Variants in SNRK observed in about 807,000 individuals in gnomAD.
SNRK encodes the protein SNF related kinase, also known as SNF-related serine/threonine-protein kinase.
SNRK carries 3 observed loss-of-function variants against 48.2 expected under a neutral mutation model. The observed-to-expected ratio is 0.06, with a 90% confidence interval of 0.03 to 0.16. The LOEUF (loss-of-function observed/expected upper bound fraction) is 0.16, where lower values mean the gene tolerates loss of function less well. Ranked by LOEUF, SNRK falls within the 10% of genes least tolerant of loss-of-function variation. The pLI, the probability that SNRK is intolerant of heterozygous loss-of-function variation, is 1.00. For synonymous variants in SNRK, 376 were observed against 366.1 expected, an observed-to-expected ratio of 1.03 and a Z score of -0.31; for missense variants, 627 against 976.0, an observed-to-expected ratio of 0.64 and a Z score of 4.76.
intron 3 of SNRK, among the ~76,000 whole-genome samples, chr3:43,319,349 A>C (rs1246285273): frequency 6.6e-6 from 1 of 152,194 alleles, no homozygotes; most frequent in East Asian, 1.9e-4. Flanking sequence ...AGCCTTTGTA[A>C]TACTGTATCT....
At chr3:43,342,803 C>A (rs950610147) in intron 5 of SNRK, among the ~76,000 whole-genome samples, 3 of 152,184 alleles carry the variant, frequency 2.0e-5, no homozygotes, top group African/African-American at 7.2e-5. Context: ...TGATTTTATT[C>A]AAAGCAATTG....
chr3:43,318,509 T>A (rs756631880), intron 3 of SNRK, among the ~76,000 whole-genome samples: 21 of 151,380 alleles, frequency 1.4e-4, no homozygotes, highest in Non-Finnish European at 2.6e-4. Flanking sequence ...GGTCATAACA[T>A]GGGAAACCTT....
intron 1 of SNRK, among the ~76,000 whole-genome samples, chr3:43,293,280 T>A (rs1211267909): frequency 6.6e-6 from 1 of 152,206 alleles, no homozygotes. Context: ...CTGCATACCC[T>A]CTTTCTCAGA....
At chr3:43,287,212 A>G (rs2090772793) in intron 1 of SNRK, among the ~76,000 whole-genome samples, 1 of 152,146 alleles carries the variant, frequency 6.6e-6, no homozygotes, top group South Asian at 2.1e-4. Flanking sequence ...GAAAGGGCAA[A>G]GGGGTAAGGA....
chr3:43,326,256 C>T (rs752714523), intron 3 of SNRK, among the ~76,000 whole-genome samples: 1 of 152,026 alleles, frequency 6.6e-6, no homozygotes, highest in African/African-American at 2.4e-5. Flanking sequence ...TTCTTAGTCT[C>T]CTTTTCTTCT....
intron 6 of SNRK, among the ~76,000 whole-genome samples, chr3:43,346,113 G>A (rs953322907): frequency 2.6e-5 from 4 of 152,178 alleles, no homozygotes; most frequent in Admixed American, 6.5e-5. Flanking sequence ...AGATAGTTCT[G>A]GAATGGAAAA....
At chr3:43,294,179 G>T (rs1395913130) in intron 1 of SNRK, among the ~76,000 whole-genome samples, 2 of 152,034 alleles carry the variant, frequency 1.3e-5, no homozygotes, top group African/African-American at 4.8e-5. Context: ...CTTTCTTTGA[G>T]ACATGAATCT....
At chr3:43,297,862 A>G (rs1018979857) in intron 1 of SNRK, among the ~76,000 whole-genome samples, 2 of 152,150 alleles carry the variant, frequency 1.3e-5, no homozygotes, top group East Asian at 1.9e-4. Flanking sequence ...CCTATACCTT[A>G]CAGCACTCAT....
chr3:43,291,308 C>T (rs2090810483), intron 1 of SNRK, among the ~76,000 whole-genome samples: 1 of 152,154 alleles, frequency 6.6e-6, no homozygotes, highest in African/African-American at 2.4e-5. Context: ...GTGGCATTCT[C>T]CAAGGCAGAT....
intron 3 of SNRK, among the ~76,000 whole-genome samples, chr3:43,317,487 G>T (rs2091022379): frequency 6.6e-6 from 1 of 152,138 alleles, no homozygotes; most frequent in South Asian, 2.1e-4. Flanking sequence ...ATTCAAGTTG[G>T]ATCATATTAT....
intron 6 of SNRK, among the ~76,000 whole-genome samples, chr3:43,345,248 C>CT (rs1245551803): frequency 2.0e-5 from 3 of 152,162 alleles, no homozygotes; most frequent in African/African-American, 7.2e-5. Flanking sequence ...CTTGCCTTCT[C>CT]TTTGTTGTCA....
In SNRK at chr3:43,303,201, A is replaced by G. The variant is rs1481335585; in HGVS notation, c.-3A>G. ...TAAATATTTTTTCTTCTGTTGGACCAGCATGGCAGGATTTAAGCGAGGGTA... is the reference window on the plus strand; with the variant it reads ...TAAATATTTTTTCTTCTGTTGGACCGGCATGGCAGGATTTAAGCGAGGGTA... On this transcript the variant is annotated 5_prime_UTR_variant, in exon 3 of 7. Transcript: ENST00000296088. This position sits in a 1 kb window ranked among gnomAD's most constrained non-coding sequence, Gnocchi z 6.2. The G allele has an allele frequency of 6.2e-7, 1 of 1,607,716 alleles. No homozygotes were observed. Among genetic ancestry groups the G allele is most frequent in the African/African-American group, 1.3e-5 (1 of 74,842 alleles).
intron 1 of SNRK, among the ~76,000 whole-genome samples, chr3:43,295,901 G>A (rs1233662596): frequency 6.6e-6 from 1 of 152,072 alleles, no homozygotes; most frequent in African/African-American, 2.4e-5. Context: ...ACCACGCCCA[G>A]CTAATTTTTG....
rs752090847 is a variant in SNRK, at chr3:43,346,611, T to A, written c.1080-728T>A. On this transcript the variant is annotated intron_variant, in intron 6 of 6. Transcript: ENST00000296088. ...CTTATTTAAGGCTGGCACGGTGGTG[T>A]GCGCCTATAGTCCCAGCTATTCGAG... Among the ~76,000 whole-genome samples the A allele has an allele frequency of 1.6e-4, 24 of 152,196 alleles. 1 individual carries two copies. Among genetic ancestry groups the A allele is most frequent in the Non-Finnish European group, 2.1e-4 (14 of 68,034 alleles).
chr3:43,345,584 AG>A lies in SNRK; in HGVS notation c.1080-1752del, dbSNP rs1317485189. 2.0e-5 allele frequency among the ~76,000 whole-genome samples: 3 copies of A among 152,294 alleles called. No homozygotes were observed. The East Asian group carries it at 5.8e-4, about 29-fold the overall frequency. On this transcript the variant is annotated intron_variant, in intron 6 of 6. Transcript: ENST00000296088. ...AGCAGTTCGGTAGGCAGAAAGAAAC[AG>A]GGATTTGGCCTGCAGGTTCTGGAGT...
chr3:43,290,207 C>T (rs890067833), intron 1 of SNRK, among the ~76,000 whole-genome samples: 14 of 152,010 alleles, frequency 9.2e-5, no homozygotes, highest in African/African-American at 2.9e-4. Context: ...CAAGTAATGC[C>T]GGGTACATAG....
At chr3:43,338,959 G>A (rs2091212018) in intron 4 of SNRK, among the ~76,000 whole-genome samples, 1 of 152,118 alleles carries the variant, frequency 6.6e-6, no homozygotes, top group African/African-American at 2.4e-5. Flanking sequence ...GAAAATTTCA[G>A]TATCTGAAGT....
At chr3:43,320,368 A>C (rs1384634543) in intron 3 of SNRK, among the ~76,000 whole-genome samples, 1 of 152,222 alleles carries the variant, frequency 6.6e-6, no homozygotes, top group East Asian at 1.9e-4. Flanking sequence ...CGTATGCGTC[A>C]ACTCTCCACT....
At chr3:43,336,940 G>C (rs1389694382) in intron 4 of SNRK, among the ~76,000 whole-genome samples, 2 of 152,036 alleles carry the variant, frequency 1.3e-5, no homozygotes, top group African/African-American at 4.8e-5. Context: ...TTTTAGTAGA[G>C]ACGGGTTTTC....
Sources: gnomAD v4.1 joint callset for allele counts (sites outside exome capture counted in the v4.1 genomes callset) on GRCh38, gnomAD v4.1.1 for gene constraint, Gnocchi (gnomAD v3.1) non-coding constraint, MANE v1.5 for transcripts, NCBI Gene and HGNC (gene_info 2026-07-23, HGNC 2026-07-21) for gene names.